The following STXBP5L variants were observed in gnomAD, a reference collection of about 807,000 sequenced individuals.
STXBP5L encodes syntaxin binding protein 5L.
A neutral mutation model predicts 144.5 loss-of-function variants in STXBP5L; 65 were observed. The ratio of observed to expected loss-of-function variants is 0.45; its 90% CI spans 0.37 to 0.55. The LOEUF is 0.55. STXBP5L is among the 20% of genes least tolerant of loss of function. STXBP5L has a pLI of 0.00. For missense variants in STXBP5L, 1,298 were observed against 1,405.5 expected (o/e 0.92, Z 1.22); for synonymous variants, 505 against 469.6 (o/e 1.08, Z -0.97).
At chr3:121,180,807 C>A (rs578040616) in intron 9 of STXBP5L, among the ~76,000 whole-genome samples, 1 of 151,960 alleles carries the variant, frequency 6.6e-6, no homozygotes, top group Non-Finnish European at 1.5e-5. Context: ...CTAGGAGGTG[C>A]GGTTGCAGTG....
chr3:121,085,433 G>T lies in STXBP5L; in HGVS notation c.471-29492G>T, dbSNP rs115353139. 4.8e-3 allele frequency among the ~76,000 whole-genome samples: 737 copies of T among 152,190 alleles called. 7 individuals are homozygous for T. Among genetic ancestry groups the T allele is most frequent in the African/African-American group, 0.017 (694 of 41,556 alleles). ...ATATCTAGAAAACCCTATAGCCTCAGCCTAAAGCTTCTTAAACTGATAAGC... is the reference window on the plus strand; with the variant it reads ...ATATCTAGAAAACCCTATAGCCTCATCCTAAAGCTTCTTAAACTGATAAGC... On this transcript the variant is annotated intron_variant, in intron 5 of 26. Transcript: ENST00000471454.
At chr3:121,055,727 G>T (rs1322779448) in intron 5 of STXBP5L, among the ~76,000 whole-genome samples, 2 of 151,538 alleles carry the variant, frequency 1.3e-5, no homozygotes, top group Admixed American at 6.6e-5. Context: ...TTGAGACAGG[G>T]TCTCACTCTG....
chr3:120,978,918 G>A (rs562080606), intron 3 of STXBP5L, among the ~76,000 whole-genome samples: 4 of 152,266 alleles, frequency 2.6e-5, no homozygotes, highest in East Asian at 3.9e-4. Context: ...TTGTCTCAGA[G>A]GAGTACCCAG....
At position 121,257,220 on chromosome 3, in the gene STXBP5L, A is replaced by C; in HGVS notation, c.1719A>C (p.Thr573=). ...VEDIITPEPE[T]SPPFPDLSAQ... ...ATATTATTACCCCTGAACCAGAAAC[A>C]AGTCCTCCGTTTCCAGATCTCTCAG... Residue 573 remains threonine, a synonymous_variant, in exon 17 of 27, where the codon ACA becomes ACC. Transcript: ENST00000471454. The C allele has an allele frequency of 6.2e-7, 1 of 1,613,808 alleles. No homozygotes were observed. Among genetic ancestry groups the C allele is most frequent in the Non-Finnish European group, 8.5e-7 (1 of 1,179,778 alleles).
chr3:120,983,521 C>G (rs1232332298), intron 3 of STXBP5L, among the ~76,000 whole-genome samples: 3 of 152,134 alleles, frequency 2.0e-5, no homozygotes, highest in Admixed American at 2.0e-4. Context: ...GTTGGGCTCT[C>G]AGACTGGGAC....
At chr3:121,141,098 A>G (rs921003398) in intron 7 of STXBP5L, among the ~76,000 whole-genome samples, 2 of 152,318 alleles carry the variant, frequency 1.3e-5, no homozygotes, top group Non-Finnish European at 2.9e-5. Context: ...CAGCAATGCA[A>G]TAGCAGAAGG....
chr3:121,269,877 G>A (rs2108415766), intron 18 of STXBP5L, among the ~76,000 whole-genome samples: 1 of 152,308 alleles, frequency 6.6e-6, no homozygotes, highest in South Asian at 2.1e-4. Flanking sequence ...TCTACCAATT[G>A]TAATGTGACC....
rs946113760 is a variant in STXBP5L at position 121,371,871 on chromosome 3, A to G, written c.2177-6845A>G. 1.1e-4 allele frequency among the ~76,000 whole-genome samples: 16 copies of G among 152,336 alleles called. 1 individual carries two copies. The highest frequency in any genetic ancestry group is 9.1e-4 in the Admixed American group (14 of 15,308). On this transcript the variant is annotated intron_variant, in intron 20 of 26. Coordinates refer to ENST00000471454, the MANE Select transcript of STXBP5L (RefSeq NM_001308330.2). ...GGGCCAGTGGGCTCCTTGACTGCCA[A>G]TGCTTCAACAACAATGGTGGTACCG...
At chr3:121,360,563 G>T (rs562999140) in intron 20 of STXBP5L, among the ~76,000 whole-genome samples, 83 of 151,686 alleles carry the variant, frequency 5.5e-4, no homozygotes, top group Middle Eastern at 3.4e-3. Flanking sequence ...TGTATTCATT[G>T]TATGCTTTTT....
rs897566716 is a variant in STXBP5L, at chr3:121,214,226, T to C, written c.956+8225T>C. ...ATCTCCTTCAGTTGCACTGTGATCT[T>C]AGTTATTTCTTGTCTTCTGCTAGCT... On this transcript the variant is annotated intron_variant, in intron 10 of 26. Transcript: ENST00000471454. Among the ~76,000 whole-genome samples, 6 of 152,360 alleles carry C rather than the reference T, an allele frequency of 3.9e-5. No individual in the cohort carries two copies. In the East Asian group the frequency reaches 1.2e-3, roughly 29 times the overall value.
chr3:121,358,973 C>T (rs934326638), intron 20 of STXBP5L, among the ~76,000 whole-genome samples: 12 of 151,822 alleles, frequency 7.9e-5, no homozygotes, highest in Non-Finnish European at 1.3e-4. Flanking sequence ...TGAATATGTA[C>T]CCAATAGTAG....
intron 5 of STXBP5L, among the ~76,000 whole-genome samples, chr3:121,102,535 C>T (rs2043485744): frequency 6.6e-6 from 1 of 151,698 alleles, no homozygotes; most frequent in Admixed American, 6.6e-5. Context: ...TAGACCTCTA[C>T]CATACACAAA....
At chr3:120,938,909 G>A (rs1437313811) in intron 2 of STXBP5L, among the ~76,000 whole-genome samples, 1 of 152,010 alleles carries the variant, frequency 6.6e-6, no homozygotes, top group Non-Finnish European at 1.5e-5. Context: ...TCCTTCCCAA[G>A]TAGCTGGAAC....
At chr3:121,287,198 C>T (rs1231601159) in intron 19 of STXBP5L, among the ~76,000 whole-genome samples, 1 of 152,164 alleles carries the variant, frequency 6.6e-6, no homozygotes, top group Non-Finnish European at 1.5e-5. Flanking sequence ...CTCACATCCA[C>T]TTCTATTTAA....
intron 20 of STXBP5L, among the ~76,000 whole-genome samples, chr3:121,350,421 C>T (rs965938470): frequency 6.6e-6 from 1 of 152,122 alleles, no homozygotes; most frequent in African/African-American, 2.4e-5. Flanking sequence ...TTTGGTGAAT[C>T]TGACAATTAT....
chr3:121,001,635 G>A (rs540871143), intron 3 of STXBP5L, among the ~76,000 whole-genome samples: 1 of 152,278 alleles, frequency 6.6e-6, no homozygotes, highest in African/African-American at 2.4e-5. Context: ...CATGGCAAGA[G>A]TGGGCCACTC....
At chr3:121,061,869 C>T (rs946734699) in intron 5 of STXBP5L, among the ~76,000 whole-genome samples, 1 of 152,120 alleles carries the variant, frequency 6.6e-6, no homozygotes, top group African/African-American at 2.4e-5. Flanking sequence ...TGTCTTTGCA[C>T]ATGAGATGGG....
intron 9 of STXBP5L, among the ~76,000 whole-genome samples, chr3:121,184,638 T>G (rs1011920097): frequency 3.9e-5 from 6 of 152,082 alleles, no homozygotes; most frequent in African/African-American, 4.8e-5. Context: ...TGGAAAACAC[T>G]CTTCAGGATA....
Position 120,909,726 on chromosome 3 carries a change from A to AT in STXBP5L, c.150dup (p.Gln51SerfsTer29). The AT allele has an allele frequency of 6.2e-7, 1 of 1,611,962 alleles. No homozygotes were observed. Among genetic ancestry groups the AT allele is most frequent in the Non-Finnish European group, 8.5e-7 (1 of 1,179,456 alleles). On this transcript the variant is annotated frameshift_variant, in exon 2 of 27. Coordinates refer to ENST00000471454, the MANE Select transcript of STXBP5L (RefSeq NM_001308330.2). LOFTEE classifies it high-confidence loss of function. The stretch of plus-strand genomic sequence containing the variant: ...GACTGCAGGGGTTCTCAGAGAGGAA[A>AT]TTCAGGAAACTTTGACTTCGGAGTA...
Sources: gnomAD v4.1 joint callset for allele counts (sites outside exome capture counted in the v4.1 genomes callset) on GRCh38, gnomAD v4.1.1 for gene constraint, MANE v1.5 for transcripts, NCBI Gene and HGNC (gene_info 2026-07-23, HGNC 2026-07-21) for gene names.